Variants in TENM2 observed in about 807,000 individuals in gnomAD.
TENM2 encodes the protein teneurin-2.
TENM2 carries 52 observed loss-of-function variants against 245.2 expected under a neutral mutation model. The observed-to-expected ratio is 0.21, with a 90% CI of 0.17 to 0.27. The LOEUF is 0.27. Among genes scored for constraint, TENM2 ranks in the 10% least tolerant of loss-of-function variants. The pLI, the probability that TENM2 is intolerant of heterozygous loss-of-function variation, is 1.00. For missense variants in TENM2, 3,046 were observed against 3,666.8 expected, an observed-to-expected ratio of 0.83 and a Z score of 4.37; for synonymous variants, 1,363 against 1,438.9, an observed-to-expected ratio of 0.95 and a Z score of 1.19.
chr5:167,753,131 G>A (rs865948851), intron 2 of TENM2, among the ~76,000 whole-genome samples: 17 of 152,102 alleles, frequency 1.1e-4, no homozygotes, highest in African/African-American at 2.9e-4. Flanking sequence ...ATTATGTTTC[G>A]TTTGAGATTA....
intron 2 of TENM2, among the ~76,000 whole-genome samples, chr5:167,473,729 A>C (rs529788845): frequency 6.6e-6 from 1 of 152,350 alleles, no homozygotes; most frequent in African/African-American, 2.4e-5. Flanking sequence ...ATGTCAGTGC[A>C]GCTAGTTACT....
chr5:167,874,033 TTC>T (rs1469411957), intron 2 of TENM2, among the ~76,000 whole-genome samples: 1 of 152,176 alleles, frequency 6.6e-6, no homozygotes, highest in Non-Finnish European at 1.5e-5. Flanking sequence ...TCATCCTGTT[TTC>T]TCTCTCCAGA....
chr5:167,704,371 C>T (rs1035110583), intron 2 of TENM2, among the ~76,000 whole-genome samples: 1 of 152,058 alleles, frequency 6.6e-6, no homozygotes, highest in Non-Finnish European at 1.5e-5. Context: ...GAGCTACAAC[C>T]ATGGCACATC....
At chr5:167,333,974 T>C (rs928193176) in intron 1 of TENM2, among the ~76,000 whole-genome samples, 4 of 152,206 alleles carry the variant, frequency 2.6e-5, no homozygotes, top group African/African-American at 9.7e-5. Flanking sequence ...TATGAGTTGA[T>C]ATACATATGT....
At chr5:168,104,178 T>A (rs1366179405) in intron 9 of TENM2, among the ~76,000 whole-genome samples, 2 of 152,026 alleles carry the variant, frequency 1.3e-5, no homozygotes, top group Non-Finnish European at 2.9e-5. Flanking sequence ...TACCAGTGCA[T>A]ACCACCACAC....
intron 5 of TENM2, among the ~76,000 whole-genome samples, chr5:168,023,542 G>C (rs1002880999): frequency 5.3e-5 from 8 of 152,304 alleles, no homozygotes; most frequent in Admixed American, 6.5e-5. Flanking sequence ...AGTCATGGCC[G>C]GGGTCCAGGG....
chr5:167,713,071 CGTGTGTATA>C (rs986328441), intron 2 of TENM2, among the ~76,000 whole-genome samples: 2 of 151,858 alleles, frequency 1.3e-5, no homozygotes, highest in African/African-American at 4.8e-5. Context: ...TACATATGTG[CGTGTGTATA>C]GTGTGTATAC....
chr5:168,204,440 A>G, exon 19 of TENM2: 2 of 1,613,906 alleles, frequency 1.2e-6, no homozygotes, highest in Non-Finnish European at 8.5e-7. Flanking sequence ...CACCAGCATC[A>G]TGGGCAATGG....
chr5:167,451,672 G>A (rs576743526), intron 2 of TENM2, among the ~76,000 whole-genome samples: 51 of 151,314 alleles, frequency 3.4e-4, no homozygotes, highest in African/African-American at 1.1e-3. Context: ...TTCTTGAGAC[G>A]GAGTCTCGCT....
intron 1 of TENM2, among the ~76,000 whole-genome samples, chr5:167,347,413 C>T (rs1463748254): frequency 3.3e-5 from 5 of 152,196 alleles, no homozygotes; most frequent in Admixed American, 2.0e-4. Context: ...TGTCTCCCAA[C>T]AGCTTCCTTA....
the TENM2 span, among the ~76,000 whole-genome samples, chr5:167,164,483 T>A: frequency 6.6e-6 from 1 of 152,222 alleles, no homozygotes; most frequent in African/African-American, 2.4e-5. Context: ...GTTTTGAGCT[T>A]ACATAAGCTG....
intron 2 of TENM2, among the ~76,000 whole-genome samples, chr5:167,455,484 G>T (rs1765864104): frequency 1.5e-5 from 2 of 136,326 alleles, no homozygotes; most frequent in African/African-American, 2.7e-5. Flanking sequence ...TGTATCTCCT[G>T]GGAACATTAA....
chr5:167,949,961 C>T (rs909073150), intron 3 of TENM2, among the ~76,000 whole-genome samples: 9 of 152,112 alleles, frequency 5.9e-5, no homozygotes, highest in Admixed American at 3.9e-4. Context: ...ATACCGAGAA[C>T]GCTGGATAAT....
chr5:167,856,296 T>G (rs1771095474), intron 2 of TENM2, among the ~76,000 whole-genome samples: 1 of 152,044 alleles, frequency 6.6e-6, no homozygotes, highest in Non-Finnish European at 1.5e-5. Flanking sequence ...CAAGCAAACA[T>G]TAATTACTGT....
At chr5:167,482,892 C>T (rs371022544) in intron 2 of TENM2, among the ~76,000 whole-genome samples, 1 of 152,140 alleles carries the variant, frequency 6.6e-6, no homozygotes, top group African/African-American at 2.4e-5. Context: ...TAGAAATATC[C>T]AGCTCTCTCC....
chr5:168,195,397 CTGGA>C, intron 15 of TENM2, 102 bp downstream of exon 17: 1 of 1,378,194 alleles, frequency 7.3e-7, no homozygotes, highest in Non-Finnish European at 9.9e-7. Context: ...CCCTGGTGGA[CTGGA>C]ATGTCCACCA....
chr5:167,933,985 C>T (rs1382634878), intron 3 of TENM2, among the ~76,000 whole-genome samples: 3 of 152,172 alleles, frequency 2.0e-5, no homozygotes, highest in Non-Finnish European at 2.9e-5. Context: ...ATTTGACACA[C>T]ACAGTGTGCC....
At chr5:167,822,750 A>G (rs1412142459) in intron 2 of TENM2, among the ~76,000 whole-genome samples, 1 of 152,116 alleles carries the variant, frequency 6.6e-6, no homozygotes, top group Non-Finnish European at 1.5e-5. Flanking sequence ...AAACAACAAC[A>G]CATTAGGCAT....
intron 2 of TENM2, among the ~76,000 whole-genome samples, chr5:167,623,962 G>A (rs756621302): frequency 6.6e-6 from 1 of 152,070 alleles, no homozygotes; most frequent in Non-Finnish European, 1.5e-5. Context: ...ACTCTTATAC[G>A]CTGTTGGTGA....
Sources: allele counts gnomAD v4.1 joint callset (sites outside exome capture counted in the v4.1 genomes callset), GRCh38; gene constraint gnomAD v4.1.1; transcripts MANE v1.5; gene names NCBI Gene and HGNC (gene_info 2026-07-23, HGNC 2026-07-21).